Variants in HECW1 observed in about 807,000 individuals in gnomAD.
HECW1 encodes the protein HECT, C2 and WW domain containing E3 ubiquitin protein ligase 1, also known as E3 ubiquitin-protein ligase HECW1.
HECW1 carries 61 observed loss-of-function variants against 182.3 expected under a neutral mutation model. The ratio of observed to expected loss-of-function variants is 0.33; its 90% CI spans 0.27 to 0.41. HECW1 has a LOEUF of 0.41. Among genes scored for constraint, HECW1 ranks in the 10% least tolerant of loss-of-function variants. HECW1 has a pLI of 1.00. For synonymous variants in HECW1, 859 were observed against 832.6 expected (o/e 1.03, Z -0.55); for missense variants, 1,739 against 2,108.9 (o/e 0.82, Z 3.44).
At chr7:43,387,828 T>C (rs2074860455) in intron 6 of HECW1, among the ~76,000 whole-genome samples, 1 of 152,246 alleles carries the variant, frequency 6.6e-6, no homozygotes, top group Non-Finnish European at 1.5e-5. Context: ...AGCTTATGCT[T>C]CACGTTTTTC....
chr7:43,220,590 A>T (rs978060137), intron 2 of HECW1, among the ~76,000 whole-genome samples: 1 of 152,226 alleles, frequency 6.6e-6, no homozygotes, highest in African/African-American at 2.4e-5. Flanking sequence ...GCCGTGAATA[A>T]CAAAGGCACT....
intron 3 of HECW1, among the ~76,000 whole-genome samples, chr7:43,250,064 C>T (rs760502567): frequency 4.0e-5 from 6 of 151,712 alleles, no homozygotes; most frequent in South Asian, 2.1e-4. Flanking sequence ...GCTGAATATA[C>T]GCCACGGATG....
intron 2 of HECW1, among the ~76,000 whole-genome samples, chr7:43,144,345 T>G (rs1210274153): frequency 6.6e-6 from 1 of 152,194 alleles, no homozygotes; most frequent in Non-Finnish European, 1.5e-5. Flanking sequence ...TTCTCCTCTA[T>G]GAAATTTCTC....
At chr7:43,145,870 G>A (rs543141846) in intron 2 of HECW1, among the ~76,000 whole-genome samples, 1 of 152,212 alleles carries the variant, frequency 6.6e-6, no homozygotes, top group South Asian at 2.1e-4. Context: ...AAGTTGACTT[G>A]GGTCTACCAC....
intron 3 of HECW1, among the ~76,000 whole-genome samples, chr7:43,307,797 C>A (rs1465470847): frequency 2.7e-5 from 4 of 148,688 alleles, no homozygotes; most frequent in South Asian, 2.1e-4. Flanking sequence ...CACCACAAAC[C>A]AAAACAAAAT....
intron 9 of HECW1, among the ~76,000 whole-genome samples, chr7:43,440,752 A>T (rs2076861171): frequency 6.6e-6 from 1 of 152,178 alleles, no homozygotes; most frequent in African/African-American, 2.4e-5. Flanking sequence ...CATAATATTG[A>T]CCAAAGGCTC....
chr7:43,393,721 AT>A (rs1432707714), intron 6 of HECW1, among the ~76,000 whole-genome samples: 1 of 151,534 alleles, frequency 6.6e-6, no homozygotes, highest in Non-Finnish European at 1.5e-5. Context: ...TGCAATAAAG[AT>A]GAAGAGGCTT....
intron 3 of HECW1, among the ~76,000 whole-genome samples, chr7:43,281,780 T>C (rs1268282321): frequency 4.0e-5 from 6 of 150,198 alleles, no homozygotes; most frequent in Non-Finnish European, 3.0e-5. Flanking sequence ...GCTAGTCTCT[T>C]GTATTCCTGG....
intron 19 of HECW1, 24 bp downstream of exon 19, chr7:43,493,204 G>A (rs2078997254): frequency 1.3e-6 from 2 of 1,502,506 alleles, no homozygotes; most frequent in Non-Finnish European, 9.3e-7. Flanking sequence ...CTCACTCCCT[G>A]GAACTCTAGG....
chr7:43,450,928 A>G lies in HECW1; in HGVS notation c.2499A>G (p.Pro833=), dbSNP rs764186024. Residue 833 remains proline (P), a splice_region_variant and synonymous_variant, in exon 12 of 30, where the codon CCA becomes CCG. Coordinates refer to ENST00000395891, the MANE Select transcript of HECW1 (RefSeq NM_015052.5). ...HYPTIDEPLP[P]NWEARIDSHG... is the part of the protein sequence containing the mutation. Reference sequence around the variant, plus strand: ...CAACAATCGATGAGCCTCTTCCACCAAGTAAGCTTTAGTTTTTAAAATCTG... The same window carrying G: ...CAACAATCGATGAGCCTCTTCCACCGAGTAAGCTTTAGTTTTTAAAATCTG... 1.9e-6 allele frequency: 3 copies of G among 1,598,074 alleles called. No individual in the cohort carries two copies. Among genetic ancestry groups the G allele is most frequent in the South Asian group, 2.2e-5 (2 of 90,756 alleles).
intron 6 of HECW1, among the ~76,000 whole-genome samples, chr7:43,362,120 A>T (rs1213366637): frequency 1.4e-5 from 2 of 138,216 alleles, no homozygotes; most frequent in Non-Finnish European, 3.1e-5. Flanking sequence ...AACAAGAGTG[A>T]AACTCCGTCT....
At chr7:43,244,176 G>A (rs951662312) in intron 3 of HECW1, among the ~76,000 whole-genome samples, 1 of 152,230 alleles carries the variant, frequency 6.6e-6, no homozygotes, top group African/African-American at 2.4e-5. Flanking sequence ...CTTGTGTGAT[G>A]TGAACGTACA....
intron 3 of HECW1, among the ~76,000 whole-genome samples, chr7:43,244,897 C>T (rs1799229568): frequency 6.6e-6 from 1 of 152,218 alleles, no homozygotes; most frequent in South Asian, 2.1e-4. Context: ...GAGAGGGACG[C>T]CCTGAGATGT....
chr7:43,254,032 G>T (rs894674778), intron 3 of HECW1, among the ~76,000 whole-genome samples: 2 of 152,172 alleles, frequency 1.3e-5, no homozygotes, highest in Non-Finnish European at 2.9e-5. Flanking sequence ...CTTGAGTGAG[G>T]TTTAGATCTC....
chr7:43,554,060 T>C (rs1196072423), intron 28 of HECW1, among the ~76,000 whole-genome samples: 2 of 152,232 alleles, frequency 1.3e-5, no homozygotes, highest in East Asian at 1.9e-4. Context: ...GGGCCCAGCA[T>C]GTATCCATCC....
intron 3 of HECW1, chr7:43,274,506 G>C: frequency 1.7e-6 from 1 of 601,804 alleles, no homozygotes; most frequent in Non-Finnish European, 3.1e-6. Context: ...TCCAGATCAT[G>C]AAGGTGGAGG....
At chr7:43,424,886 G>T (rs1182552098) in intron 8 of HECW1, among the ~76,000 whole-genome samples, 1 of 152,216 alleles carries the variant, frequency 6.6e-6, no homozygotes, top group East Asian at 1.9e-4. Flanking sequence ...AGCAGAGAAG[G>T]TATTATGTAT....
intron 2 of HECW1, among the ~76,000 whole-genome samples, chr7:43,239,424 C>G (rs778121612): frequency 6.6e-6 from 1 of 152,066 alleles, no homozygotes; most frequent in Non-Finnish European, 1.5e-5. Flanking sequence ...CTTCATGTAC[C>G]GGGTTGGTTG....
chr7:43,373,676 T>G (rs898835412), intron 6 of HECW1, among the ~76,000 whole-genome samples: 2 of 152,160 alleles, frequency 1.3e-5, no homozygotes, highest in Non-Finnish European at 2.9e-5. Flanking sequence ...TTTTTCAGCA[T>G]GTAGAGCTCA....
Sources: gnomAD v4.1 joint callset for allele counts (sites outside exome capture counted in the v4.1 genomes callset) on GRCh38, gnomAD v4.1.1 for gene constraint, MANE v1.5 for transcripts, NCBI Gene and HGNC (gene_info 2026-07-23, HGNC 2026-07-21) for gene names.